Variants in ZNF32 observed in about 807,000 individuals in gnomAD.
ZNF32 encodes the protein zinc finger protein 32.
A neutral mutation model predicts 24.4 loss-of-function variants in ZNF32; 13 were observed. The observed-to-expected ratio is 0.53, with a 90% CI of 0.35 to 0.85. The LOEUF (loss-of-function observed/expected upper bound fraction) is 0.85. Among genes scored for constraint, ZNF32 ranks in the 40% least tolerant of loss-of-function variants. The probability of loss-of-function intolerance (pLI) is 0.01; values close to 1 mark genes in which losing one functional copy is unlikely to be tolerated. For synonymous variants in ZNF32, 115 were observed against 117.4 expected (o/e 0.98, Z 0.13); for missense variants, 239 against 325.3 (o/e 0.73, Z 2.04).
chr10:43,646,373 C>A, intron 1 of ZNF32, 171 bp from the exon 2 acceptor site: 1 of 496,762 alleles, frequency 2.0e-6, no homozygotes, highest in East Asian at 3.7e-5. Flanking sequence ...GGTACCAGGA[C>A]CACACACAAA....
At position 43,644,191 on chromosome 10, in the gene ZNF32, G is replaced by A. The variant is rs766895215; in HGVS notation, c.681C>T (p.His227=). ...YACTQCRKSF[H]TRGNCILHGK... is the part of the protein sequence containing the mutation. ...CATGCAGAATACAATTCCCCCTGGT[G>A]TGGAAACTCTTCCTGCACTGGGTAC... The change falls in exon 3 of 3, where the codon CAC becomes CAT. Residue 227 remains histidine, a synonymous_variant. Transcript: ENST00000374433. This position sits in a 1 kb window ranked among gnomAD's most constrained non-coding sequence, Gnocchi z 5.3. The A allele has an allele frequency of 6.8e-6, 11 of 1,614,088 alleles. No homozygotes were observed.
In ZNF32 at chr10:43,644,950, G is replaced by A. The variant is rs1839231385; in HGVS notation, c.71-149C>T. On this transcript the variant is annotated intron_variant, in intron 2 of 2. Coordinates refer to ENST00000374433, the MANE Select transcript of ZNF32 (RefSeq NM_006973.3). This position sits in a 1 kb window ranked among gnomAD's most constrained non-coding sequence, Gnocchi z 5.3. Reference sequence around the variant, plus strand: ...CAATCCTGAAAACAATGCCATGAGAGTGATACAGATAATGGGAGCAAAGGG... The same window carrying A: ...CAATCCTGAAAACAATGCCATGAGAATGATACAGATAATGGGAGCAAAGGG... 5.4e-6 allele frequency: 5 copies of A among 925,536 alleles called. No homozygotes were observed. Among genetic ancestry groups the A allele is most frequent in the Non-Finnish European group, 6.3e-6 (4 of 633,800 alleles). The allele number at this position is 925,536 out of a possible 1,614,324, so 57.3% of individuals were successfully genotyped here. A position where few individuals can be genotyped will look rare whatever the true frequency, so the allele number is the denominator to read the frequency against.
In ZNF32 at chr10:43,646,139, C is replaced by T. The variant is rs771058214; in HGVS notation, c.-6G>A. 1.2e-6 allele frequency: 2 copies of T among 1,614,122 alleles called. No homozygotes were observed. Among genetic ancestry groups the T allele is most frequent in the South Asian group, 2.2e-5 (2 of 91,070 alleles). On this transcript the variant is annotated 5_prime_UTR_variant, in exon 2 of 3. In the 5' UTR this introduces an upstream ATG that the reference lacks. Transcript: ENST00000374433. Reference sequence around the variant, plus strand: ...GCTGTTGGAAATCCAAACATGTCCACTCCTGCTTACGACCTCAGTCACCAC... The same window carrying T: ...GCTGTTGGAAATCCAAACATGTCCATTCCTGCTTACGACCTCAGTCACCAC...
chr10:43,645,071 C>A (rs1839238182), intron 2 of ZNF32: 2 of 316,570 alleles, frequency 6.3e-6, no homozygotes, highest in Non-Finnish European at 1.2e-5. Flanking sequence ...TTTAGGCCAA[C>A]AAATAACCTT....
intron 2 of ZNF32, chr10:43,645,858 C>G: frequency 1.8e-6 from 2 of 1,123,214 alleles, no homozygotes; most frequent in Non-Finnish European, 2.4e-6. Context: ...TACTTCAACG[C>G]TACCTCCATA....
Position 43,644,815 on chromosome 10 carries a change from AG to A in ZNF32, c.71-15del. On this transcript the variant is annotated splice_polypyrimidine_tract_variant and intron_variant, in intron 2 of 2. Transcript: ENST00000374433. This position sits in a 1 kb window ranked among gnomAD's most constrained non-coding sequence, Gnocchi z 5.3. The stretch of plus-strand genomic sequence containing the variant: ...CAGTCATCACATCTGATAAAATGAG[AG>A]GGAAGTCATATAAGAAGCACCAATA... 6.4e-7 allele frequency: 1 copy of A among 1,567,868 alleles called. No homozygotes were observed. The highest frequency in any genetic ancestry group is 1.2e-5 in the South Asian group (1 of 82,568).
chr10:43,646,635 G>A (rs1332246008), intron 1 of ZNF32, among the ~76,000 whole-genome samples: 1 of 152,178 alleles, frequency 6.6e-6, no homozygotes, highest in Non-Finnish European at 1.5e-5. Context: ...CCAGTTATCT[G>A]TAGTTACAAA....
In ZNF32 at chr10:43,644,688, A is replaced by T. The variant is rs1839220978; in HGVS notation, c.184T>A (p.Ser62Thr). Residue 62 changes from serine (S) to threonine (T), a missense_variant, in exon 3 of 3, where the codon TCG (serine) becomes ACG (threonine). Coordinates refer to ENST00000374433, the MANE Select transcript of ZNF32 (RefSeq NM_006973.3). This position sits in a 1 kb window ranked among gnomAD's most constrained non-coding sequence, Gnocchi z 5.3. Reference sequence around the variant, plus strand: ...GGTGAATCTTCCTGTAGTGTCTTCGAATCTGGGGATTTTTGTTCCAGCTTC... The same window carrying T: ...GGTGAATCTTCCTGTAGTGTCTTCGTATCTGGGGATTTTTGTTCCAGCTTC... ...REKLEQKSPD[S>T]KTLQEDSPGV... 3.7e-6 allele frequency: 6 copies of T among 1,614,026 alleles called. No individual in the cohort carries two copies. In the Admixed American group the frequency reaches 8.3e-5, roughly 22 times the overall value.
chr10:43,648,543 G>C (rs1272917255), intron 1 of ZNF32: 1 of 152,062 alleles, frequency 6.6e-6, no homozygotes, highest in Admixed American at 6.5e-5. Context: ...TCCCGCCTCA[G>C]GCCCCGGGCC....
chr10:43,644,306 T>C lies in ZNF32; in HGVS notation c.566A>G (p.Tyr189Cys), dbSNP rs1434737914. 6.2e-7 allele frequency: 1 copy of C among 1,614,254 alleles called. No individual in the cohort carries two copies. Among genetic ancestry groups the C allele is most frequent in the Admixed American group, 1.7e-5 (1 of 60,032 alleles). Residue 189 changes from tyrosine to cysteine, a missense_variant, in exon 3 of 3, where the codon TAT (tyrosine) becomes TGT (cysteine). Coordinates refer to ENST00000374433, the MANE Select transcript of ZNF32 (RefSeq NM_006973.3). The surrounding 1 kb of genome is among the most constrained non-coding windows in gnomAD (Gnocchi z 5.3). ...HRRVHSGEKP[Y>C]RCDQCGKAFS... ...GGCTTTTCCACACTGATCACATCTA[T>C]AGGGCTTCTCACCACTGTGAACTCT...
At chr10:43,646,676 T>G (rs1021723309) in intron 1 of ZNF32, among the ~76,000 whole-genome samples, 1 of 152,244 alleles carries the variant, frequency 6.6e-6, no homozygotes, top group African/African-American at 2.4e-5. Context: ...TTGTTACCAC[T>G]GAACAATTCT....
In ZNF32 at chr10:43,643,920, C is replaced by G; in HGVS notation, c.*130G>C. 1 of 955,062 alleles carries G rather than the reference C, an allele frequency of 1.0e-6. No individual in the cohort carries two copies. The highest frequency in any genetic ancestry group is 1.5e-6 in the Non-Finnish European group (1 of 669,680). The allele number at this position is 955,062 out of a possible 1,614,324, so 59.2% of individuals were successfully genotyped here. ...CTCTTTTGGGGGAAAGGAAAAAAAT[C>G]AGTTTGCCCTACCCAATGATGGTCT... On this transcript the variant is annotated 3_prime_UTR_variant, in exon 3 of 3. Coordinates refer to ENST00000374433, the MANE Select transcript of ZNF32 (RefSeq NM_006973.3).
chr10:43,646,223 G>A, intron 1 of ZNF32, 21 bp from the exon 2 acceptor site: 2 of 1,433,788 alleles, frequency 1.4e-6, no homozygotes, highest in Non-Finnish European at 1.9e-6. Context: ...AAAACAAACA[G>A]AAACAAACAG....
chr10:43,646,007 C>G (rs889580328), intron 2 of ZNF32, 57 bp downstream of exon 2: 1 of 1,609,220 alleles, frequency 6.2e-7, no homozygotes, highest in Non-Finnish European at 8.5e-7. Context: ...GTGCTGAGAA[C>G]AGGGACACTG....
intron 1 of ZNF32, among the ~76,000 whole-genome samples, chr10:43,648,358 C>G (rs1316644310): frequency 6.6e-6 from 1 of 152,200 alleles, no homozygotes; most frequent in Non-Finnish European, 1.5e-5. Flanking sequence ...GTTTCCCACA[C>G]GCTGCCTGGC....
At chr10:43,647,399 T>A (rs1839341147) in intron 1 of ZNF32, among the ~76,000 whole-genome samples, 1 of 152,118 alleles carries the variant, frequency 6.6e-6, no homozygotes, top group African/African-American at 2.4e-5. Context: ...TTAAAAAAAA[T>A]ATTTCTTCTT....
At chr10:43,645,875 T>C (rs949047787) in intron 2 of ZNF32, 189 bp downstream of exon 2, 7 of 1,276,696 alleles carry the variant, frequency 5.5e-6, no homozygotes, top group Non-Finnish European at 7.1e-6. Flanking sequence ...CATATCAAGA[T>C]GGTTCTCTTG....
Position 43,646,048 on chromosome 10 carries a change from C to A in ZNF32, c.70+16G>T. The A allele has an allele frequency of 6.2e-7, 1 of 1,613,990 alleles. No homozygotes were observed. The highest frequency in any genetic ancestry group is 8.5e-7 in the Non-Finnish European group (1 of 1,179,900). ...CTGTGAGCTGAGCGCATCCAGCCAT[C>A]AACTGACTCACTCACTGAAGAACGC... On this transcript the variant is annotated intron_variant, in intron 2 of 2. Coordinates refer to ENST00000374433, the MANE Select transcript of ZNF32 (RefSeq NM_006973.3).
In ZNF32 at chr10:43,644,508, TAACA is replaced by T. The variant is rs1245138743; in HGVS notation, c.360_363del (p.Val121HisfsTer83). On this transcript the variant is annotated frameshift_variant, in exon 3 of 3. Coordinates refer to ENST00000374433, the MANE Select transcript of ZNF32 (RefSeq NM_006973.3). LOFTEE classifies it high-confidence loss of function. This position sits in a 1 kb window ranked among gnomAD's most constrained non-coding sequence, Gnocchi z 5.3. ...TCTCCCGTGTGTATCCGTTGATGTGTAACAAGATTGCCTTTGGCCCTGAAGCTTT... is the reference window on the plus strand; with the variant it reads ...TCTCCCGTGTGTATCCGTTGATGTGTAGATTGCCTTTGGCCCTGAAGCTTT... 1 of 1,614,208 alleles carries T rather than the reference TAACA, an allele frequency of 6.2e-7. No homozygotes were observed.
Sources: allele counts gnomAD v4.1 joint callset (sites outside exome capture counted in the v4.1 genomes callset), GRCh38; gene constraint gnomAD v4.1.1; non-coding constraint Gnocchi (gnomAD v3.1); transcripts MANE v1.5; gene names NCBI Gene and HGNC (gene_info 2026-07-23, HGNC 2026-07-21).